The following DPP6 variants were observed in gnomAD, a reference collection of about 807,000 sequenced individuals.
DPP6 encodes the protein dipeptidyl peptidase like 6.
DPP6 carries 69 observed loss-of-function variants against 122.6 expected under a neutral mutation model. The observed-to-expected ratio is 0.56, with a 90% confidence interval of 0.46 to 0.69. The LOEUF is 0.69. Ranked by LOEUF, DPP6 falls within the 30% of genes least tolerant of loss-of-function variation. The pLI, the probability that DPP6 is intolerant of heterozygous loss-of-function variation, is 0.00. For synonymous variants in DPP6, 418 were observed against 433.1 expected (o/e 0.97, Z 0.43); for missense variants, 928 against 1,116.9 (o/e 0.83, Z 2.41).
intron 1 of DPP6, among the ~76,000 whole-genome samples, chr7:154,355,754 A>C (rs1184300123): frequency 6.6e-6 from 1 of 152,178 alleles, no homozygotes; most frequent in East Asian, 1.9e-4. Context: ...AAGTTACTAT[A>C]TCTTGTTAAC....
chr7:153,892,948 C>G (rs1799268022), intron 1 of DPP6, among the ~76,000 whole-genome samples: 1 of 152,116 alleles, frequency 6.6e-6, no homozygotes. Context: ...ATTGATTAAT[C>G]CCATCTGTGC....
At chr7:154,843,719 G>A (rs181449203) in intron 16 of DPP6, among the ~76,000 whole-genome samples, 101 of 152,330 alleles carry the variant, frequency 6.6e-4, no homozygotes, top group Non-Finnish European at 1.2e-3. Context: ...GTAGACCTTA[G>A]CAAGCCTGTA....
intron 1 of DPP6, among the ~76,000 whole-genome samples, chr7:154,079,342 T>TA (rs112950797): frequency 0.054 from 7,673 of 143,118 alleles, 562 homozygotes; most frequent in African/African-American, 0.17. Context: ...CAGAGATTTG[T>TA]AAAAAAAGAC....
chr7:154,292,481 A>G (rs1470739676), intron 1 of DPP6, among the ~76,000 whole-genome samples: 2 of 152,218 alleles, frequency 1.3e-5, no homozygotes, highest in African/African-American at 4.8e-5. Context: ...TATGAAACCA[A>G]TTCATTTCAG....
chr7:153,965,494 C>G (rs1795652911), intron 1 of DPP6, among the ~76,000 whole-genome samples: 1 of 152,070 alleles, frequency 6.6e-6, no homozygotes, highest in Non-Finnish European at 1.5e-5. Flanking sequence ...CACCATTCTC[C>G]ATGCACCAAT....
intron 21 of DPP6, among the ~76,000 whole-genome samples, chr7:154,882,945 G>C (rs1208941619): frequency 6.6e-6 from 1 of 152,032 alleles, no homozygotes; most frequent in Non-Finnish European, 1.5e-5. Context: ...GCGCTTCACG[G>C]TCTCAGTCAG....
intron 1 of DPP6, among the ~76,000 whole-genome samples, chr7:154,075,066 G>C (rs2628732): frequency 0.45 from 67,582 of 151,372 alleles, 15,347 homozygotes; most frequent in East Asian, 0.52. Context: ...CTCAACCTCA[G>C]TAATGATCAG....
rs10271201 is a variant in DPP6 at position 154,558,151 on chromosome 7, A to G, written c.553-8691A>G. ...ATATGATGTTCCCCTCCCTGTGTCC[A>G]TGTGTTCTCAATGTTGAACTCCCAC... is the stretch of plus-strand genomic sequence containing the variant. On this transcript the variant is annotated intron_variant, in intron 4 of 25. Transcript: ENST00000377770. Among the ~76,000 whole-genome samples the G allele has an allele frequency of 8.2e-3, 1,239 of 150,386 alleles. 16 individuals carry two copies. Among genetic ancestry groups the G allele is most frequent in the African/African-American group, 0.028 (1,158 of 40,808 alleles).
chr7:154,582,678 A>G (rs1275776401), intron 5 of DPP6, among the ~76,000 whole-genome samples: 2 of 152,186 alleles, frequency 1.3e-5, no homozygotes, highest in African/African-American at 4.8e-5. Context: ...CCACCGCAAA[A>G]TAAAGCAAAG....
chr7:153,906,541 C>G (rs1262104741), intron 1 of DPP6, among the ~76,000 whole-genome samples: 1 of 152,190 alleles, frequency 6.6e-6, no homozygotes, highest in Non-Finnish European at 1.5e-5. Flanking sequence ...GCCTCGGCCT[C>G]CCAGGCTCAG....
intron 1 of DPP6, among the ~76,000 whole-genome samples, chr7:153,943,587 G>C (rs376502239): frequency 6.6e-6 from 1 of 152,240 alleles, no homozygotes; most frequent in Non-Finnish European, 1.5e-5. Flanking sequence ...TTCTAATGAC[G>C]TGCCTCTGTT....
At chr7:153,813,525 G>A in the DPP6 span, among the ~76,000 whole-genome samples, 167 of 152,172 alleles carry the variant, frequency 1.1e-3, 1 homozygote, top group South Asian at 3.3e-3. Context: ...ATTTATAGTC[G>A]TCTGGGTATA....
chr7:154,195,386 A>G (rs1384187243), intron 1 of DPP6, among the ~76,000 whole-genome samples: 2 of 152,100 alleles, frequency 1.3e-5, no homozygotes, highest in African/African-American at 4.8e-5. Flanking sequence ...ATTGGCTGGC[A>G]GCCTGTTGGG....
chr7:154,884,700 CAGGCACACATGATCACACAT>C (rs1563326082), intron 21 of DPP6: 3 of 70,136 alleles, frequency 4.3e-5, no homozygotes, highest in African/African-American at 1.9e-4. Context: ...CATGATCACA[CAGGCACACATGATCACACAT>C]ACACAGGCTT....
intron 1 of DPP6, among the ~76,000 whole-genome samples, chr7:154,319,655 A>C (rs527364560): frequency 1.3e-5 from 2 of 152,032 alleles, no homozygotes; most frequent in East Asian, 1.9e-4. Context: ...AGATTGGACC[A>C]CTGCACTTCA....
chr7:154,247,676 C>G (rs1185807617), intron 1 of DPP6, among the ~76,000 whole-genome samples: 2 of 152,104 alleles, frequency 1.3e-5, no homozygotes, highest in African/African-American at 4.8e-5. Context: ...ACAAGTACAA[C>G]TACTTGGATA....
chr7:154,809,967 T>C (rs1474650550), intron 16 of DPP6, among the ~76,000 whole-genome samples: 2 of 152,210 alleles, frequency 1.3e-5, no homozygotes, highest in African/African-American at 4.8e-5. Context: ...CCTCCCGGTT[T>C]CAAGCGATTC....
At chr7:154,350,241 G>A (rs184621530) in intron 1 of DPP6, among the ~76,000 whole-genome samples, 2 of 152,274 alleles carry the variant, frequency 1.3e-5, no homozygotes, top group Non-Finnish European at 1.5e-5. Flanking sequence ...AGCAGGAACA[G>A]GGGAAACAGT....
intron 16 of DPP6, among the ~76,000 whole-genome samples, chr7:154,816,303 T>A (rs555285340): frequency 6.6e-6 from 1 of 152,374 alleles, no homozygotes; most frequent in South Asian, 2.1e-4. Context: ...ACATTCATAA[T>A]AACTTTTATT....
Sources: allele counts gnomAD v4.1 joint callset (sites outside exome capture counted in the v4.1 genomes callset), GRCh38; gene constraint gnomAD v4.1.1; transcripts MANE v1.5; gene names NCBI Gene and HGNC (gene_info 2026-07-23, HGNC 2026-07-21).